The following ELP4 variants were observed in gnomAD, a reference collection of about 807,000 sequenced individuals.
The protein encoded by ELP4 is elongator complex protein 4.
In ELP4, 51 loss-of-function variants were observed where a neutral mutation model predicts 48.9. The ratio of observed to expected loss-of-function variants is 1.04; its 90% CI spans 0.83 to 1.32. The LOEUF is 1.32. Ranked by LOEUF, ELP4 falls within the 40% of genes most tolerant of loss-of-function variation. The pLI, the probability that ELP4 is intolerant of heterozygous loss-of-function variation, is 0.00. For synonymous variants in ELP4, 210 were observed against 189.2 expected, an observed-to-expected ratio of 1.11 and a Z score of -0.90; for missense variants, 519 against 514.6, an observed-to-expected ratio of 1.01 and a Z score of -0.08.
chr11:31,511,599 A>G (rs898174541), intron 1 of ELP4: 4 of 152,200 alleles, frequency 2.6e-5, no homozygotes, highest in African/African-American at 9.6e-5. Context: ...GAACAGTCTC[A>G]CAAAACCAGT....
At chr11:31,692,941 A>G (rs1448668342) in intron 9 of ELP4, among the ~76,000 whole-genome samples, 1 of 152,048 alleles carries the variant, frequency 6.6e-6, no homozygotes, top group Non-Finnish European at 1.5e-5. Context: ...ACCACACTAG[A>G]TTGCAATTAC....
intron 7 of ELP4, among the ~76,000 whole-genome samples, chr11:31,639,867 G>C (rs968563611): frequency 1.3e-5 from 2 of 151,978 alleles, no homozygotes; most frequent in East Asian, 3.9e-4. Flanking sequence ...TGATGTTCTT[G>C]TTCATACTGT....
At chr11:31,735,010 C>T (rs1256453663) in intron 9 of ELP4, among the ~76,000 whole-genome samples, 2 of 151,986 alleles carry the variant, frequency 1.3e-5, no homozygotes, top group African/African-American at 2.4e-5. Context: ...TAAAGACATA[C>T]ATATAGACCA....
intron 9 of ELP4, among the ~76,000 whole-genome samples, chr11:31,760,857 T>C (rs1021873967): frequency 6.6e-6 from 1 of 152,230 alleles, no homozygotes; most frequent in Non-Finnish European, 1.5e-5. Flanking sequence ...CATTGCTTTC[T>C]CAATCCAAAA....
At chr11:31,704,957 G>A (rs1946600294) in intron 9 of ELP4, among the ~76,000 whole-genome samples, 1 of 151,222 alleles carries the variant, frequency 6.6e-6, no homozygotes, top group African/African-American at 2.4e-5. Context: ...GTTGTGGTGA[G>A]CTGAGATCGC....
At chr11:31,666,875 G>A (rs1945692228) in intron 9 of ELP4, among the ~76,000 whole-genome samples, 1 of 152,038 alleles carries the variant, frequency 6.6e-6, no homozygotes, top group Non-Finnish European at 1.5e-5. Context: ...ATTTTGAGAT[G>A]ATGTAAAAAG....
intron 3 of ELP4, among the ~76,000 whole-genome samples, chr11:31,544,182 C>T (rs767162527): frequency 6.6e-6 from 1 of 152,166 alleles, no homozygotes; most frequent in Non-Finnish European, 1.5e-5. Flanking sequence ...ATGCGCAAGC[C>T]GAAGCAGGGC....
At chr11:31,754,637 G>A (rs570020609) in intron 9 of ELP4, among the ~76,000 whole-genome samples, 39 of 152,208 alleles carry the variant, frequency 2.6e-4, no homozygotes, top group African/African-American at 8.9e-4. Flanking sequence ...TTGGGAGGCC[G>A]AGGTGGGTGG....
chr11:31,775,510 C>A (rs1305065562), intron 9 of ELP4, among the ~76,000 whole-genome samples: 1 of 152,148 alleles, frequency 6.6e-6, no homozygotes, highest in Non-Finnish European at 1.5e-5. Context: ...ACAGGGAATT[C>A]TGAGGTTATG....
intron 9 of ELP4, among the ~76,000 whole-genome samples, chr11:31,745,016 C>T (rs969016362): frequency 3.9e-5 from 6 of 152,112 alleles, no homozygotes; most frequent in African/African-American, 7.2e-5. Flanking sequence ...AAAATCTCCT[C>T]AAGCTGATAA....
At chr11:31,708,513 T>A (rs1276534604) in intron 9 of ELP4, among the ~76,000 whole-genome samples, 1 of 152,136 alleles carries the variant, frequency 6.6e-6, no homozygotes, top group Non-Finnish European at 1.5e-5. Flanking sequence ...TTTTAAAGGA[T>A]CTTTTATTTA....
At chr11:31,774,659 C>T (rs566206337) in intron 9 of ELP4, among the ~76,000 whole-genome samples, 1 of 152,318 alleles carries the variant, frequency 6.6e-6, no homozygotes, top group South Asian at 2.1e-4. Flanking sequence ...ATTTGCCCTC[C>T]AAGCTATCAC....
At chr11:31,532,739 G>A (rs1050028255) in intron 2 of ELP4, among the ~76,000 whole-genome samples, 1 of 147,762 alleles carries the variant, frequency 6.8e-6, no homozygotes, top group South Asian at 2.2e-4. Flanking sequence ...TGTTCTCAGG[G>A]TGTACAAGTA....
chr11:31,735,849 T>C (rs1272643085), intron 9 of ELP4, among the ~76,000 whole-genome samples: 1 of 152,134 alleles, frequency 6.6e-6, no homozygotes, highest in Non-Finnish European at 1.5e-5. Context: ...TGGAAGAACA[T>C]TCCATGCTCA....
chr11:31,672,037 A>G (rs1015535887), intron 9 of ELP4, among the ~76,000 whole-genome samples: 1 of 149,976 alleles, frequency 6.7e-6, no homozygotes, highest in Non-Finnish European at 1.5e-5. Flanking sequence ...TTCTGGGGGG[A>G]GCTTAGAAGG....
At chr11:31,769,123 C>G (rs1166689359) in intron 9 of ELP4, among the ~76,000 whole-genome samples, 4 of 152,064 alleles carry the variant, frequency 2.6e-5, no homozygotes, top group African/African-American at 9.7e-5. Flanking sequence ...TTCTTCATAC[C>G]GAGGAACTAG....
intron 9 of ELP4, among the ~76,000 whole-genome samples, chr11:31,746,188 A>G (rs1040962675): frequency 9.9e-5 from 15 of 152,258 alleles, no homozygotes; most frequent in African/African-American, 3.6e-4. Flanking sequence ...CCACAATGAG[A>G]TACCATCTCA....
At chr11:31,685,557 A>T (rs1407549110) in intron 9 of ELP4, among the ~76,000 whole-genome samples, 1 of 152,184 alleles carries the variant, frequency 6.6e-6, no homozygotes, top group Non-Finnish European at 1.5e-5. Flanking sequence ...AACTTAACAG[A>T]TTTGTATCCA....
intron 9 of ELP4, among the ~76,000 whole-genome samples, chr11:31,769,450 A>C (rs1471471437): frequency 6.6e-6 from 1 of 152,234 alleles, no homozygotes. Context: ...ATTAATATTT[A>C]GGGGACTGAC....
Sources: gnomAD v4.1 joint callset for allele counts (sites outside exome capture counted in the v4.1 genomes callset) on GRCh38, gnomAD v4.1.1 for gene constraint, MANE v1.5 for transcripts, NCBI Gene and HGNC (gene_info 2026-07-23, HGNC 2026-07-21) for gene names.